The following LIFR variants were observed in gnomAD, a reference collection of about 807,000 sequenced individuals.
LIFR encodes the protein LIF receptor subunit alpha, also known as leukemia inhibitory factor receptor.
A neutral mutation model predicts 122.2 loss-of-function variants in LIFR; 84 were observed. The ratio of observed to expected loss-of-function variants is 0.69; its 90% confidence interval spans 0.58 to 0.82. The LOEUF (loss-of-function observed/expected upper bound fraction) is 0.82. LIFR is among the 40% of genes least tolerant of loss of function. The pLI, the probability that LIFR is intolerant of heterozygous loss-of-function variation, is 0.00. For synonymous variants in LIFR, 422 were observed against 434.7 expected (o/e 0.97, Z 0.36); for missense variants, 1,294 against 1,311.6 (o/e 0.99, Z 0.21).
upstream of LIFR, among the ~76,000 whole-genome samples, chr5:38,597,871 G>A (rs1050385430): frequency 6.6e-6 from 1 of 152,122 alleles, no homozygotes; most frequent in African/African-American, 2.4e-5. Flanking sequence ...GTTGAGTGGG[G>A]GTGCATGGAG....
At chr5:38,577,273 G>A (rs6895152) in intron 1 of LIFR, among the ~76,000 whole-genome samples, 18,954 of 152,120 alleles carry the variant, frequency 0.12, 3,497 homozygotes, top group African/African-American at 0.4. Context: ...TTGAAGCTAC[G>A]TTTTGAGTAT....
At chr5:38,578,272 T>C (rs1329857058) in intron 1 of LIFR, among the ~76,000 whole-genome samples, 1 of 148,268 alleles carries the variant, frequency 6.7e-6, no homozygotes, top group Non-Finnish European at 1.5e-5. Flanking sequence ...AATGGTGTGA[T>C]CTCGGCTCAC....
chr5:38,540,952 T>C (rs947949726), intron 1 of LIFR, among the ~76,000 whole-genome samples: 1 of 152,186 alleles, frequency 6.6e-6, no homozygotes, highest in Non-Finnish European at 1.5e-5. Flanking sequence ...TGCACAGATG[T>C]TGACCAAAAT....
At chr5:38,572,478 C>T (rs78690153) in intron 1 of LIFR, among the ~76,000 whole-genome samples, 31 of 152,264 alleles carry the variant, frequency 2.0e-4, no homozygotes, top group Non-Finnish European at 4.3e-4. Context: ...GATTATAATT[C>T]AACATGAGGT....
At chr5:38,522,920 T>C (rs1011276658) in intron 5 of LIFR, among the ~76,000 whole-genome samples, 3 of 152,084 alleles carry the variant, frequency 2.0e-5, no homozygotes, top group Non-Finnish European at 2.9e-5. Context: ...TTTTCATAAA[T>C]GTTGTTCATT....
In LIFR at chr5:38,480,065, AT is replaced by A; in HGVS notation, c.*1529del. 4.4e-6 allele frequency: 1 copy of A among 225,500 alleles called. No individual in the cohort carries two copies. Among genetic ancestry groups the A allele is most frequent in the Admixed American group, 5.7e-5 (1 of 17,536 alleles). The allele number at this position is 225,500 out of a possible 1,614,324, so 14.0% of individuals were successfully genotyped here. On this transcript the variant is annotated 3_prime_UTR_variant, in exon 20 of 20. Coordinates refer to ENST00000453190, the MANE Select transcript of LIFR (RefSeq NM_001127671.2). ...AGATACAATATGAGCTTCAAAAAAA[AT>A]TAATTGATCCATTATTTGCAAATAC... is the stretch of plus-strand genomic sequence containing the variant.
At chr5:38,587,715 T>A (rs746909167) in intron 1 of LIFR, among the ~76,000 whole-genome samples, 1 of 152,184 alleles carries the variant, frequency 6.6e-6, no homozygotes, top group Non-Finnish European at 1.5e-5. Context: ...AGAAATAACA[T>A]TGCCCAAAGT....
At chr5:38,547,907 C>T (rs573357853) in intron 1 of LIFR, among the ~76,000 whole-genome samples, 10 of 152,012 alleles carry the variant, frequency 6.6e-5, no homozygotes, top group Middle Eastern at 3.4e-3. Context: ...TGTAACAGAA[C>T]GGAAGTATTT....
Position 38,502,760 on chromosome 5 carries a change from G to T in LIFR, c.1477C>A (p.Leu493Ile). Residue 493 changes from leucine to isoleucine, a missense_variant, in exon 11 of 20, where the codon CTT becomes ATT. Leu to Ile is a conservative substitution (Grantham distance 5). Coordinates refer to ENST00000453190, the MANE Select transcript of LIFR (RefSeq NM_001127671.2). Reference protein sequence around the residue: ...TIKGVENSSYLVALDKLNPYT... With the variant: ...TIKGVENSSYIVALDKLNPYT... ...GGATTTAACTTGTCCAGAGCAACAA[G>T]ATAACTTGAATTTTCTACTCCTTTG... 6.2e-7 allele frequency: 1 copy of T among 1,609,254 alleles called. No individual in the cohort carries two copies.
At chr5:38,486,030 T>C (rs370209005) in intron 16 of LIFR, 50 bp from the exon 17 acceptor site, 5 of 1,543,338 alleles carry the variant, frequency 3.2e-6, no homozygotes, top group Admixed American at 1.7e-5. Context: ...CCGTTTCAAA[T>C]GCATGGTTAC....
chr5:38,604,207 CT>C (rs1367215848), intron 2 of LIFR, among the ~76,000 whole-genome samples: 2 of 152,162 alleles, frequency 1.3e-5, no homozygotes, highest in African/African-American at 4.8e-5. Flanking sequence ...CTGGGCAGAA[CT>C]TTTCTTCGCT....
intron 1 of LIFR, among the ~76,000 whole-genome samples, chr5:38,568,704 T>G (rs1407054154): frequency 6.6e-6 from 1 of 152,208 alleles, no homozygotes; most frequent in Admixed American, 6.5e-5. Context: ...ATTTGCTACA[T>G]TCGTGCATAC....
At chr5:38,582,940 C>G (rs1749635528) in intron 1 of LIFR, among the ~76,000 whole-genome samples, 1 of 152,260 alleles carries the variant, frequency 6.6e-6, no homozygotes, top group African/African-American at 2.4e-5. Context: ...CGTCCTCCAA[C>G]AGAGTTAAAT....
At chr5:38,521,551 T>C (rs1021087404) in intron 5 of LIFR, among the ~76,000 whole-genome samples, 1 of 152,142 alleles carries the variant, frequency 6.6e-6, no homozygotes, top group African/African-American at 2.4e-5. Context: ...CAGGATGGCA[T>C]TCACTGGCCC....
intron 1 of LIFR, among the ~76,000 whole-genome samples, chr5:38,583,574 A>G (rs1194619578): frequency 6.6e-6 from 1 of 152,272 alleles, no homozygotes; most frequent in African/African-American, 2.4e-5. Context: ...GTTAATACCC[A>G]AAATTTATAA....
In LIFR at chr5:38,474,689, A is replaced by C. The variant is rs1361766268; in HGVS notation, c.*6906T>G. Among the ~76,000 whole-genome samples, 1 of 152,158 alleles carries C rather than the reference A, an allele frequency of 6.6e-6. No homozygotes were observed. Among genetic ancestry groups the C allele is most frequent in the Non-Finnish European group, 1.5e-5 (1 of 68,010 alleles). ...ACCATTACTTTAAAGACCAGTATTT[A>C]TTATTTATTTGCTAATGTTGGATTC... On this transcript the variant is annotated 3_prime_UTR_variant, in exon 20 of 20. Coordinates refer to ENST00000453190, the MANE Select transcript of LIFR (RefSeq NM_001127671.2).
intron 1 of LIFR, among the ~76,000 whole-genome samples, chr5:38,551,238 A>C (rs1018992091): frequency 2.6e-5 from 4 of 152,218 alleles, no homozygotes; most frequent in Admixed American, 2.6e-4. Flanking sequence ...ATGGGTCTCC[A>C]GGCCCGTTGC....
intron 1 of LIFR, among the ~76,000 whole-genome samples, chr5:38,572,018 T>G (rs1437184880): frequency 1.3e-5 from 2 of 152,242 alleles, no homozygotes; most frequent in Admixed American, 1.3e-4. Context: ...TTACTATAGC[T>G]TAAGCCCACT....
In LIFR at chr5:38,529,690, C is replaced by A. The variant is rs544613935; in HGVS notation, c.142+816G>T. Among the ~76,000 whole-genome samples, 168 of 152,026 alleles carry A rather than the reference C, an allele frequency of 1.1e-3. 2 individuals carry two copies. Among genetic ancestry groups the A allele is most frequent in the Middle Eastern group, 6.9e-3 (2 of 290 alleles). ...AAAGGAGGGAAACAAGGGGAAAAGG[C>A]AACTATAGAATAAAAAAGGTAGTCC... On this transcript the variant is annotated intron_variant, in intron 2 of 19. Coordinates refer to ENST00000453190, the MANE Select transcript of LIFR (RefSeq NM_001127671.2).
Sources: gnomAD v4.1 joint callset for allele counts (sites outside exome capture counted in the v4.1 genomes callset) on GRCh38, gnomAD v4.1.1 for gene constraint, MANE v1.5 for transcripts, NCBI Gene and HGNC (gene_info 2026-07-23, HGNC 2026-07-21) for gene names.